TENM3: variants seen among roughly 807,000 people sequenced by gnomAD.
TENM3 encodes teneurin-3.
In TENM3, 63 loss-of-function variants were observed where a neutral mutation model predicts 255.1. The ratio of observed to expected loss-of-function variants is 0.25; its 90% CI spans 0.20 to 0.30. The LOEUF is 0.30. TENM3 is among the 10% of genes least tolerant of loss of function. The probability of loss-of-function intolerance (pLI) is 1.00; values close to 1 mark genes in which losing one functional copy is unlikely to be tolerated. For synonymous variants in TENM3, 1,306 were observed against 1,322.3 expected (o/e 0.99, Z 0.27); for missense variants, 2,929 against 3,461.1 (o/e 0.85, Z 3.86).
At chr4:182,064,756 C>T in the TENM3 span, among the ~76,000 whole-genome samples, 3,524 of 152,088 alleles carry the variant, frequency 0.023, 125 homozygotes, top group African/African-American at 0.08. Flanking sequence ...TGAGCAGACA[C>T]GAAGTGAAGA....
chr4:182,752,447 C>T (rs1464038487), intron 20 of TENM3, among the ~76,000 whole-genome samples: 1 of 152,152 alleles, frequency 6.6e-6, no homozygotes, highest in Non-Finnish European at 1.5e-5. Flanking sequence ...TGAGCCCTCA[C>T]CCTCTTTGGA....
chr4:182,127,040 A>G, the TENM3 span, among the ~76,000 whole-genome samples: 1 of 152,204 alleles, frequency 6.6e-6, no homozygotes, highest in African/African-American at 2.4e-5. Context: ...AATGAGATCA[A>G]CCCCAAGTGA....
chr4:181,971,553 G>A, the TENM3 span, among the ~76,000 whole-genome samples: 2 of 151,026 alleles, frequency 1.3e-5, no homozygotes, highest in African/African-American at 4.9e-5. Flanking sequence ...GAAGTTGTTG[G>A]GTATTTGGTT....
chr4:182,404,029 T>G (rs1320427019), intron 3 of TENM3, among the ~76,000 whole-genome samples: 1 of 152,212 alleles, frequency 6.6e-6, no homozygotes, highest in African/African-American at 2.4e-5. Context: ...GCTGTGAAAT[T>G]TGTTTTCTTA....
chr4:181,833,543 G>C, the TENM3 span, among the ~76,000 whole-genome samples: 1 of 152,084 alleles, frequency 6.6e-6, no homozygotes. Flanking sequence ...CATTTCCAAG[G>C]CTACTCAGGC....
At chr4:182,241,907 A>G (rs573857898), upstream of TENM3, among the ~76,000 whole-genome samples, 2 of 151,688 alleles carry the variant, frequency 1.3e-5, no homozygotes, top group Admixed American at 6.6e-5. Context: ...GGTCACAAAT[A>G]ACCTCTTTAT....
At chr4:182,192,474 G>A (rs142300353) in intron 1 of TENM3, among the ~76,000 whole-genome samples, 14 of 152,282 alleles carry the variant, frequency 9.2e-5, no homozygotes, top group Admixed American at 6.5e-4. Context: ...GACCACTGTG[G>A]AAGATCAGGC....
intron 1 of TENM3, among the ~76,000 whole-genome samples, chr4:182,261,666 G>C (rs1360533709): frequency 6.6e-6 from 1 of 152,232 alleles, no homozygotes; most frequent in African/African-American, 2.4e-5. Flanking sequence ...GCTTTGGTAA[G>C]AGCAGCACTA....
chr4:182,438,998 T>G (rs577819523), intron 3 of TENM3, among the ~76,000 whole-genome samples: 5 of 152,340 alleles, frequency 3.3e-5, no homozygotes, highest in African/African-American at 1.2e-4. Flanking sequence ...TGTCAAAATC[T>G]ACACGTGGAC....
At chr4:182,591,520 T>C (rs1232919854) in intron 3 of TENM3, among the ~76,000 whole-genome samples, 1 of 152,238 alleles carries the variant, frequency 6.6e-6, no homozygotes, top group East Asian at 1.9e-4. Context: ...AGAACAATAG[T>C]GTTTACTTAT....
chr4:182,529,170 G>A (rs1739526320), intron 3 of TENM3, among the ~76,000 whole-genome samples: 1 of 152,126 alleles, frequency 6.6e-6, no homozygotes, highest in African/African-American at 2.4e-5. Flanking sequence ...AAGGAAGAAC[G>A]TCTTATATAC....
the TENM3 span, among the ~76,000 whole-genome samples, chr4:182,089,825 A>G: frequency 0.067 from 10,197 of 152,246 alleles, 476 homozygotes; most frequent in African/African-American, 0.13. Flanking sequence ...ATTAGTGTCC[A>G]TTACTAATTA....
intron 1 of TENM3, among the ~76,000 whole-genome samples, chr4:182,159,726 C>T (rs1432382661): frequency 6.6e-6 from 1 of 152,062 alleles, no homozygotes. Flanking sequence ...CAGTCCGGCC[C>T]GTGGATGGCC....
intron 5 of TENM3, among the ~76,000 whole-genome samples, chr4:182,637,841 T>C (rs937064222): frequency 1.3e-5 from 2 of 152,210 alleles, no homozygotes; most frequent in Non-Finnish European, 2.9e-5. Context: ...CTTTACTGAA[T>C]CTGAGCATTC....
chr4:182,177,944 A>C (rs1322801827), intron 1 of TENM3, among the ~76,000 whole-genome samples: 1 of 130,404 alleles, frequency 7.7e-6, no homozygotes, highest in Non-Finnish European at 1.6e-5. Context: ...AATATTTTAT[A>C]TGTTTTGGTT....
chr4:182,595,025 T>C (rs1747066429), intron 3 of TENM3, among the ~76,000 whole-genome samples: 1 of 152,164 alleles, frequency 6.6e-6, no homozygotes, highest in African/African-American at 2.4e-5. Context: ...CTCTTCCCTG[T>C]TCTTGGCACT....
At chr4:182,326,768 C>T (rs1763439945) in intron 2 of TENM3, among the ~76,000 whole-genome samples, 1 of 152,042 alleles carries the variant, frequency 6.6e-6, no homozygotes, top group Non-Finnish European at 1.5e-5. Flanking sequence ...GTCTCAAACT[C>T]CTGGCCTCAA....
At chr4:182,675,186 A>G (rs1302444854) in intron 7 of TENM3, among the ~76,000 whole-genome samples, 1 of 152,026 alleles carries the variant, frequency 6.6e-6, no homozygotes, top group African/African-American at 2.4e-5. Context: ...AGTCTAGACC[A>G]TTTTAAAGTT....
At chr4:182,724,624 G>T (rs1196457353) in intron 13 of TENM3, among the ~76,000 whole-genome samples, 6 of 152,178 alleles carry the variant, frequency 3.9e-5, no homozygotes, top group African/African-American at 7.2e-5. Context: ...CATGCCAGAT[G>T]TACATTTGCT....
Sources: gnomAD v4.1 joint callset for allele counts (sites outside exome capture counted in the v4.1 genomes callset) on GRCh38, gnomAD v4.1.1 for gene constraint, MANE v1.5 for transcripts, NCBI Gene and HGNC (gene_info 2026-07-23, HGNC 2026-07-21) for gene names.